PADI1: variants seen among roughly 807,000 people sequenced by gnomAD.
The protein encoded by PADI1 is protein-arginine deiminase type-1.
A neutral mutation model predicts 74.8 loss-of-function variants in PADI1; 65 were observed. The ratio of observed to expected loss-of-function variants is 0.87; its 90% CI spans 0.71 to 1.07. The LOEUF (loss-of-function observed/expected upper bound fraction) is 1.07. Among genes scored for constraint, PADI1 ranks in the 50% least tolerant of loss-of-function variants. The probability of loss-of-function intolerance (pLI) is 0.00; values close to 1 mark genes in which losing one functional copy is unlikely to be tolerated. For missense variants in PADI1, 943 were observed against 854.0 expected (o/e 1.10, Z -1.30); for synonymous variants, 371 against 336.2 (o/e 1.10, Z -1.13).
rs1432195015 is a variant in PADI1 at position 17,223,713 on chromosome 1, C to T, written c.346+20C>T. ...GCGTCGGTAAGTAGCAGCTCCCTGG[C>T]TGCCCATCTATCCCTTTGCCCCTCC... On this transcript the variant is annotated intron_variant, in intron 3 of 15. Coordinates refer to ENST00000375471, the MANE Select transcript of PADI1 (RefSeq NM_013358.3). 6.2e-7 allele frequency: 1 copy of T among 1,606,524 alleles called. No homozygotes were observed. The highest frequency in any genetic ancestry group is 2.2e-5 in the East Asian group (1 of 44,824).
intron 6 of PADI1, among the ~76,000 whole-genome samples, chr1:17,226,877 G>T (rs935017884): frequency 6.6e-6 from 1 of 151,934 alleles, no homozygotes; most frequent in Non-Finnish European, 1.5e-5. Context: ...GAGAAAACCC[G>T]TTTCCACTAA....
rs2072733785 is a variant in PADI1, at chr1:17,239,779, C to T, written c.1628C>T (p.Ala543Val). The change falls in exon 14 of 16, where the codon GCA (alanine) becomes GTA (valine). Residue 543 changes from alanine to valine, a missense_variant. Coordinates refer to ENST00000375471, the MANE Select transcript of PADI1 (RefSeq NM_013358.3). ...CACCTCCAGAGAGACAATCTTCATG[C>T]ACAGGTGAGAGGCAGGACCACCAGC... ...DRHLQRDNLH[A>V]QKCIDWNRNV... 4 of 1,611,880 alleles carry T rather than the reference C, an allele frequency of 2.5e-6. No homozygotes were observed. In the East Asian group the frequency reaches 8.9e-5, roughly 36 times the overall value.
At chr1:17,234,231 C>A (rs1356610685) in intron 11 of PADI1, among the ~76,000 whole-genome samples, 1 of 152,210 alleles carries the variant, frequency 6.6e-6, no homozygotes, top group Non-Finnish European at 1.5e-5. Flanking sequence ...TATTGTATGC[C>A]AGGCACAGTT....
intron 1 of PADI1, among the ~76,000 whole-genome samples, chr1:17,210,120 G>A (rs566028063): frequency 1.4e-3 from 218 of 152,248 alleles, no homozygotes; most frequent in Non-Finnish European, 2.0e-3. Context: ...GATTACAGGT[G>A]TGAGCCATCT....
Position 17,228,812 on chromosome 1 carries a change from G to T in PADI1, c.825+15G>T, listed in dbSNP as rs750781551. Reference sequence around the variant, plus strand: ...TGGACCCGGGGGTGTGTACAGCACTGGGGGGTGGCCAAGGAGGCTGAGGGG... The same window carrying T: ...TGGACCCGGGGGTGTGTACAGCACTTGGGGGTGGCCAAGGAGGCTGAGGGG... On this transcript the variant is annotated intron_variant, in intron 7 of 15. Coordinates refer to ENST00000375471, the MANE Select transcript of PADI1 (RefSeq NM_013358.3). 9 of 1,611,640 alleles carry T rather than the reference G, an allele frequency of 5.6e-6. No individual in the cohort carries two copies. The highest frequency in any genetic ancestry group is 2.2e-5 in the East Asian group (1 of 44,872).
At chr1:17,227,344 T>C (rs989050994) in intron 6 of PADI1, among the ~76,000 whole-genome samples, 1 of 151,694 alleles carries the variant, frequency 6.6e-6, no homozygotes, top group Non-Finnish European at 1.5e-5. Flanking sequence ...GCCCAGGAGT[T>C]TGAGACCAGC....
At chr1:17,217,385 T>C (rs2072008316) in intron 1 of PADI1, among the ~76,000 whole-genome samples, 1 of 152,008 alleles carries the variant, frequency 6.6e-6, no homozygotes, top group Non-Finnish European at 1.5e-5. Context: ...GATTATTTCC[T>C]TTTCCCCAGT....
At chr1:17,227,579 AAATT>A (rs1444274996) in intron 6 of PADI1, among the ~76,000 whole-genome samples, 168 of 137,080 alleles carry the variant, frequency 1.2e-3, no homozygotes, top group Non-Finnish European at 2.2e-3. Context: ...ATAAATAAAT[AAATT>A]ACCACTCCTT....
Position 17,244,428 on chromosome 1 carries a change from C to A in PADI1, c.*185C>A. On this transcript the variant is annotated 3_prime_UTR_variant, in exon 16 of 16. Coordinates refer to ENST00000375471, the MANE Select transcript of PADI1 (RefSeq NM_013358.3). ...CTACCCTCGCCTCTGGAATGGCCTA[C>A]CCAACCCGAGAAGAATGCACCTCAT... 1 of 686,108 alleles carries A rather than the reference C, an allele frequency of 1.5e-6. No homozygotes were observed. Among genetic ancestry groups the A allele is most frequent in the Middle Eastern group, 2.3e-4 (1 of 4,286 alleles). 42.5% of individuals were successfully genotyped at this position (686,108 alleles called of 1,614,324 possible).
At chr1:17,212,983 A>G (rs2071873327) in intron 1 of PADI1, among the ~76,000 whole-genome samples, 1 of 152,214 alleles carries the variant, frequency 6.6e-6, no homozygotes, top group Non-Finnish European at 1.5e-5. Flanking sequence ...CTCGAATTGC[A>G]CACTCTCTCA....
chr1:17,225,767 C>T, intron 4 of PADI1, 44 bp from the exon 5 acceptor site: 1 of 1,437,236 alleles, frequency 7.0e-7, no homozygotes, highest in South Asian at 1.1e-5. Context: ...CTTCCTGGAG[C>T]CTCCTGGGTC....
chr1:17,239,644 G>C, intron 13 of PADI1, 60 bp from the exon 14 acceptor site: 2 of 1,268,542 alleles, frequency 1.6e-6, no homozygotes, highest in East Asian at 4.6e-5. Flanking sequence ...GTAGCCCCAG[G>C]CTGAAGACGG....
intron 10 of PADI1, among the ~76,000 whole-genome samples, chr1:17,231,682 T>G (rs949659725): frequency 1.3e-5 from 2 of 152,160 alleles, no homozygotes; most frequent in Admixed American, 1.3e-4. Flanking sequence ...TCATTTTCAT[T>G]TTCTACTTTC....
rs776551290 is a variant in PADI1, at chr1:17,225,771, C to G, written c.409-40C>G. 10 of 1,507,094 alleles carry G rather than the reference C, an allele frequency of 6.6e-6. No homozygotes were observed. The African/African-American group carries it at 1.4e-4, about 21-fold the overall frequency. 93.4% of individuals were successfully genotyped at this position (1,507,094 alleles called of 1,614,324 possible). On this transcript the variant is annotated intron_variant, in intron 4 of 15. Transcript: ENST00000375471. ...GTCTAGAACCCCTTCCTGGAGCCTC[C>G]TGGGTCCCACTGATCCCAAGGCATC...
At chr1:17,239,851 C>A in intron 14 of PADI1, 68 bp downstream of exon 14, 2 of 1,311,166 alleles carry the variant, frequency 1.5e-6, no homozygotes, top group Non-Finnish European at 2.2e-6. Context: ...GCCCCAGGAA[C>A]TGGGTTGGGT....
At chr1:17,215,166 C>G (rs1020759225) in intron 1 of PADI1, among the ~76,000 whole-genome samples, 14 of 152,158 alleles carry the variant, frequency 9.2e-5, no homozygotes, top group African/African-American at 3.1e-4. Context: ...AGGCCTGACC[C>G]CTCTAGGCAC....
intron 1 of PADI1, among the ~76,000 whole-genome samples, chr1:17,213,183 T>TTTGGA (rs56093898): frequency 2.5e-4 from 2 of 8,114 alleles, no homozygotes; most frequent in South Asian, 4.4e-3. Flanking sequence ...GGGGACGTAA[T>TTTGGA]CTCCTACCAG....
Position 17,228,813 on chromosome 1 carries a change from G to C in PADI1, c.825+16G>C, listed in dbSNP as rs758804526. On this transcript the variant is annotated intron_variant, in intron 7 of 15. Transcript: ENST00000375471. The stretch of plus-strand genomic sequence containing the variant: ...GGACCCGGGGGTGTGTACAGCACTG[G>C]GGGGTGGCCAAGGAGGCTGAGGGGT... The C allele has an allele frequency of 2.5e-6, 4 of 1,612,862 alleles. No homozygotes were observed. The highest frequency in any genetic ancestry group is 2.2e-5 in the East Asian group (1 of 44,864).
intron 1 of PADI1, among the ~76,000 whole-genome samples, chr1:17,216,132 G>T (rs2071971748): frequency 6.6e-6 from 1 of 152,192 alleles, no homozygotes; most frequent in Non-Finnish European, 1.5e-5. Context: ...AGAGGGCGTG[G>T]GGAGGGAAAG....
Sources: allele counts gnomAD v4.1 joint callset (sites outside exome capture counted in the v4.1 genomes callset), GRCh38; gene constraint gnomAD v4.1.1; transcripts MANE v1.5; gene names NCBI Gene and HGNC (gene_info 2026-07-23, HGNC 2026-07-21).